Variants in POLR3K observed in about 807,000 individuals in gnomAD.
The protein encoded by POLR3K is RNA polymerase III subunit K.
In POLR3K, 11 loss-of-function variants were observed where a neutral mutation model predicts 13.5. The observed-to-expected ratio is 0.81, with a 90% CI of 0.51 to 1.35. The LOEUF is 1.35. Ranked by LOEUF, POLR3K falls within the 40% of genes most tolerant of loss-of-function variation. The pLI, the probability that POLR3K is intolerant of heterozygous loss-of-function variation, is 0.00. For synonymous variants in POLR3K, 56 were observed against 51.5 expected (o/e 1.09, Z -0.38); for missense variants, 144 against 145.3 (o/e 0.99, Z 0.05).
intron 1 of POLR3K, among the ~76,000 whole-genome samples, chr16:52,589 C>T (rs1897346010): frequency 6.7e-6 from 1 of 150,204 alleles, no homozygotes; most frequent in Non-Finnish European, 1.5e-5. Flanking sequence ...CACGGTGAAA[C>T]CCCATCTCTA....
At chr16:48,063 T>A (rs1596456693) in intron 2 of POLR3K, among the ~76,000 whole-genome samples, 2 of 151,026 alleles carry the variant, frequency 1.3e-5, no homozygotes, top group East Asian at 4.1e-4. Flanking sequence ...CTAATTTTTT[T>A]GTATTTTTAG....
chr16:47,289 C>T lies in POLR3K; in HGVS notation c.*141G>A. ...TGGCAGATAGGCCATATTTCCTGAC[C>T]CCCTGGCTCTTCACCTCAAAAGGTT... On this transcript the variant is annotated 3_prime_UTR_variant, in exon 3 of 3. Transcript: ENST00000293860. 8.9e-7 allele frequency: 1 copy of T among 1,124,158 alleles called. No individual in the cohort carries two copies. The highest frequency in any genetic ancestry group is 2.8e-5 in the Admixed American group (1 of 36,226). The allele number at this position is 1,124,158 out of a possible 1,614,324, so 69.6% of individuals were successfully genotyped here. A position where few individuals can be genotyped will look rare whatever the true frequency, so the allele number is the denominator to read the frequency against.
Position 46,431 on chromosome 16 carries a change from A to C in POLR3K, c.*999T>G, listed in dbSNP as rs1024092042. On this transcript the variant is annotated 3_prime_UTR_variant, in exon 3 of 3. Transcript: ENST00000293860. The stretch of plus-strand genomic sequence containing the variant: ...AAACAATAAGAAAATAGTCATATTA[A>C]ATGTAAAGATTGGTGGGACACAGTG... 1 of 152,188 alleles carries C rather than the reference A, an allele frequency of 6.6e-6. No individual in the cohort carries two copies. The highest frequency in any genetic ancestry group is 1.5e-5 in the Non-Finnish European group (1 of 68,036). 9.4% of individuals were successfully genotyped at this position (152,188 alleles called of 1,614,324 possible).
chr16:53,486 A>G lies in POLR3K; in HGVS notation c.101T>C (p.Ile34Thr). The G allele has an allele frequency of 6.2e-7, 1 of 1,611,324 alleles. No homozygotes were observed. The highest frequency in any genetic ancestry group is 8.5e-7 in the Non-Finnish European group (1 of 1,178,954). The change falls in exon 1 of 3, where the codon ATC (isoleucine) becomes ACC (threonine). Residue 34 changes from isoleucine to threonine, a missense_variant. Coordinates refer to ENST00000293860, the MANE Select transcript of POLR3K (RefSeq NM_016310.5). ...ACNTCPYVHN[I>T]TRKVTNRKYP... ...GCCTTCGGGTCCCACCTTGCGGGTGATGTTGTGCACGTAGGGGCACGTGTT... is the reference window on the plus strand; with the variant it reads ...GCCTTCGGGTCCCACCTTGCGGGTGGTGTTGTGCACGTAGGGGCACGTGTT...
In POLR3K at chr16:53,482, G is replaced by A. The variant is rs146724354; in HGVS notation, c.105C>T (p.Thr35=). Residue 35 remains threonine (T), a synonymous_variant, in exon 1 of 3, where the codon ACC becomes ACT. Coordinates refer to ENST00000293860, the MANE Select transcript of POLR3K (RefSeq NM_016310.5). ...GCCGGCCTTCGGGTCCCACCTTGCG[G>A]GTGATGTTGTGCACGTAGGGGCACG... ...CNTCPYVHNI[T]RKVTNRKYPK... 46 of 1,610,872 alleles carry A rather than the reference G, an allele frequency of 2.9e-5. No individual in the cohort carries two copies. The highest frequency in any genetic ancestry group is 3.7e-5 in the Non-Finnish European group (44 of 1,178,712).
intron 2 of POLR3K, among the ~76,000 whole-genome samples, chr16:48,823 G>T (rs1449108913): frequency 6.8e-6 from 1 of 146,392 alleles, no homozygotes; most frequent in East Asian, 2.1e-4. Context: ...AAAAAAAAAA[G>T]AATTGAGCAT....
In POLR3K at chr16:51,752, G is replaced by A; in HGVS notation, c.112-107C>T. 8.2e-6 allele frequency: 7 copies of A among 858,228 alleles called. No homozygotes were observed. The South Asian group carries it at 9.1e-5, about 11-fold the overall frequency. The allele number at this position is 858,228 out of a possible 1,614,324, so 53.2% of individuals were successfully genotyped here. ...AAGAGTTCACTCGGCTGGGCGTGGT[G>A]GCTGACACCTGTAATCCCAGCACTT... On this transcript the variant is annotated intron_variant, in intron 1 of 2. Transcript: ENST00000293860.
At chr16:51,843 A>T in intron 1 of POLR3K, 198 bp from the exon 2 acceptor site, 1 of 466,484 alleles carries the variant, frequency 2.1e-6, no homozygotes, top group Non-Finnish European at 3.9e-6. Flanking sequence ...ACACGGTGAA[A>T]CCCTGTCTCT....
rs752041619 is a variant in POLR3K at position 47,211 on chromosome 16, C to A, written c.*219G>T. 1.2e-5 allele frequency: 5 copies of A among 428,436 alleles called. No homozygotes were observed. The highest frequency in any genetic ancestry group is 2.1e-5 in the Non-Finnish European group (5 of 240,996). The allele number at this position is 428,436 out of a possible 1,614,324, so 26.5% of individuals were successfully genotyped here. On this transcript the variant is annotated 3_prime_UTR_variant, in exon 3 of 3. Coordinates refer to ENST00000293860, the MANE Select transcript of POLR3K (RefSeq NM_016310.5). ...AGCATATTTAGTTATGGGTCTCTGT[C>A]TCCTCCCCACACAGAAAAACTCCCA...
In POLR3K at chr16:51,574, A is replaced by G. The variant is rs1394231085; in HGVS notation, c.183T>C (p.Asn61=). The G allele has an allele frequency of 1.2e-6, 2 of 1,613,888 alleles. No individual in the cohort carries two copies. The highest frequency in any genetic ancestry group is 2.2e-5 in the East Asian group (1 of 44,904). ...CCCTCTTACCTGCAGTAGAGTCAAC[A>G]TTCTCCCAGGCAGCTGCTCCACCAA... ...DVLGGAAAWE[N]VDSTAESCPK... is the part of the protein sequence containing the mutation. Residue 61 remains asparagine, a synonymous_variant, in exon 2 of 3, where the codon AAT becomes AAC. Transcript: ENST00000293860.
intron 2 of POLR3K, among the ~76,000 whole-genome samples, chr16:49,708 C>G (rs891427181): frequency 1.3e-5 from 2 of 150,752 alleles, no homozygotes; most frequent in African/African-American, 4.9e-5. Context: ...AGCACGATCT[C>G]AGCTCACTAC....
chr16:51,642 T>C lies in POLR3K; in HGVS notation c.115A>G (p.Thr39Ala), dbSNP rs1378286260. The change falls in exon 2 of 3, where the codon ACA becomes GCA. Residue 39 changes from threonine to alanine, a missense_variant. Coordinates refer to ENST00000293860, the MANE Select transcript of POLR3K (RefSeq NM_016310.5). ...TTCAGTTTTGGGTACTTCCGATTTG[T>C]TACCTAACAAAAACAACACTTCAGA... The part of the protein sequence containing the change: ...PYVHNITRKV[T>A]NRKYPKLKEV... 2 of 1,613,614 alleles carry C rather than the reference T, an allele frequency of 1.2e-6. No individual in the cohort carries two copies. The highest frequency in any genetic ancestry group is 4.5e-5 in the East Asian group (2 of 44,886).
chr16:52,502 G>C (rs1490362560), intron 1 of POLR3K, among the ~76,000 whole-genome samples: 4 of 132,804 alleles, frequency 3.0e-5, no homozygotes, highest in African/African-American at 1.1e-4. Flanking sequence ...GGGCGCGGTG[G>C]CTCACGCCTG....
At chr16:51,259 T>C (rs1567150353) in intron 2 of POLR3K, among the ~76,000 whole-genome samples, 1 of 152,164 alleles carries the variant, frequency 6.6e-6, no homozygotes, top group Non-Finnish European at 1.5e-5. Context: ...CTTTATGCTC[T>C]CGCGGTCTAC....
Position 53,571 on chromosome 16 carries a change from G to C in POLR3K, c.16C>G (p.Pro6Ala). The change falls in exon 1 of 3, where the codon CCC becomes GCC. Residue 6 changes from proline to alanine, a missense_variant. Coordinates refer to ENST00000293860, the MANE Select transcript of POLR3K (RefSeq NM_016310.5). ...ACGATCAGCCCGTTCCCGCAGCCGG[G>C]GCAGAACAGCAGCATGGTCTCGAAC... The part of the protein sequence containing the change: MLLFC[P>A]GCGNGLIVEE... The C allele has an allele frequency of 6.2e-7, 1 of 1,612,944 alleles. No individual in the cohort carries two copies. Among genetic ancestry groups the C allele is most frequent in the South Asian group, 1.1e-5 (1 of 91,036 alleles).
chr16:53,250 A>G, intron 1 of POLR3K: 1 of 849,408 alleles, frequency 1.2e-6, no homozygotes, highest in Non-Finnish European at 1.7e-6. Context: ...CTGTGAACGC[A>G]GAGAAGGGCG....
intron 2 of POLR3K, among the ~76,000 whole-genome samples, chr16:49,742 C>T (rs1248307673): frequency 6.6e-6 from 1 of 151,722 alleles, no homozygotes; most frequent in Non-Finnish European, 1.5e-5. Context: ...CAGGTTCAAG[C>T]GATTCTCCTG....
intron 1 of POLR3K, among the ~76,000 whole-genome samples, chr16:52,788 A>T (rs1180093237): frequency 3.5e-4 from 9 of 25,898 alleles, no homozygotes; most frequent in Non-Finnish European, 4.7e-4. Context: ...AAAAAAAAAA[A>T]AAAAAAACAA....
intron 1 of POLR3K, 107 bp downstream of exon 1, chr16:53,369 G>C: frequency 6.9e-7 from 1 of 1,456,538 alleles, no homozygotes; most frequent in Non-Finnish European, 9.0e-7. Flanking sequence ...GCGCGAGAAA[G>C]AGCGGACAGA....
Sources: gnomAD v4.1 joint callset for allele counts (sites outside exome capture counted in the v4.1 genomes callset) on GRCh38, gnomAD v4.1.1 for gene constraint, MANE v1.5 for transcripts, NCBI Gene and HGNC (gene_info 2026-07-23, HGNC 2026-07-21) for gene names.